The following PREX2 variants were observed in gnomAD, a reference collection of about 807,000 sequenced individuals.
PREX2 encodes the protein phosphatidylinositol 3,4,5-trisphosphate-dependent Rac exchanger 2 protein.
A neutral mutation model predicts 203.2 loss-of-function variants in PREX2; 107 were observed. The ratio of observed to expected loss-of-function variants is 0.53; its 90% confidence interval spans 0.45 to 0.62. The LOEUF (loss-of-function observed/expected upper bound fraction) is 0.62, where lower values mean the gene tolerates loss of function less well. Ranked by LOEUF, PREX2 falls within the 20% of genes least tolerant of loss-of-function variation. The probability of loss-of-function intolerance (pLI) is 0.00; values close to 1 mark genes in which losing one functional copy is unlikely to be tolerated. For synonymous variants in PREX2, 672 were observed against 663.6 expected (o/e 1.01, Z -0.19); for missense variants, 1,777 against 1,955.9 (o/e 0.91, Z 1.72).
At chr8:68,143,263 TC>T (rs1321727103) in intron 33 of PREX2, among the ~76,000 whole-genome samples, 1 of 148,624 alleles carries the variant, frequency 6.7e-6, no homozygotes, top group African/African-American at 2.4e-5. Flanking sequence ...TGTTGTGCCT[TC>T]CCCCTGGTAC....
At chr8:67,961,805 T>C (rs1805641514) in intron 1 of PREX2, among the ~76,000 whole-genome samples, 1 of 152,222 alleles carries the variant, frequency 6.6e-6, no homozygotes, top group Non-Finnish European at 1.5e-5. Context: ...TGTATAGCCT[T>C]ACATATAACG....
At chr8:68,095,595 A>T (rs546507616) in intron 21 of PREX2, among the ~76,000 whole-genome samples, 1 of 149,024 alleles carries the variant, frequency 6.7e-6, no homozygotes. Flanking sequence ...ATGTGTGTGT[A>T]TATATATATC....
chr8:68,066,443 C>T (rs868096408), intron 11 of PREX2, among the ~76,000 whole-genome samples: 1 of 151,982 alleles, frequency 6.6e-6, no homozygotes, highest in Non-Finnish European at 1.5e-5. Flanking sequence ...ATTATAGTTT[C>T]GATTTGCATT....
chr8:68,204,015 A>G (rs545307388), intron 37 of PREX2, among the ~76,000 whole-genome samples: 1 of 152,298 alleles, frequency 6.6e-6, no homozygotes, highest in African/African-American at 2.4e-5. Flanking sequence ...TAGGTACCCA[A>G]CCTATTCAGT....
chr8:67,984,579 A>G (rs1806360971), intron 1 of PREX2, among the ~76,000 whole-genome samples: 2 of 152,216 alleles, frequency 1.3e-5, no homozygotes, highest in Non-Finnish European at 2.9e-5. Context: ...AGTTTATAAG[A>G]AAGGAATTTC....
chr8:67,991,430 C>T (rs1806604227), intron 1 of PREX2, among the ~76,000 whole-genome samples: 1 of 152,228 alleles, frequency 6.6e-6, no homozygotes, highest in East Asian at 1.9e-4. Context: ...TTAATTGACT[C>T]ACAGTTCAGC....
At chr8:68,064,889 A>C (rs549514108) in intron 11 of PREX2, among the ~76,000 whole-genome samples, 1 of 152,132 alleles carries the variant, frequency 6.6e-6, no homozygotes, top group Non-Finnish European at 1.5e-5. Context: ...GAAATGGGCA[A>C]ATGCTACAAA....
intron 1 of PREX2, among the ~76,000 whole-genome samples, chr8:67,981,763 C>G (rs1160955421): frequency 6.6e-6 from 1 of 152,136 alleles, no homozygotes; most frequent in African/African-American, 2.4e-5. Context: ...ATCAGGCAGC[C>G]TGAGCTGCAT....
chr8:68,002,248 A>T (rs1280465717), intron 1 of PREX2, among the ~76,000 whole-genome samples: 1 of 151,696 alleles, frequency 6.6e-6, no homozygotes, highest in Non-Finnish European at 1.5e-5. Context: ...CCTAGGTTCA[A>T]GTGATTCTCA....
chr8:68,083,964 C>G (rs1483639430), intron 18 of PREX2, among the ~76,000 whole-genome samples: 1 of 152,088 alleles, frequency 6.6e-6, no homozygotes, highest in African/African-American at 2.4e-5. Flanking sequence ...CTTGCAATAT[C>G]ACCCATAAAT....
At chr8:68,042,202 A>G (rs76570387) in intron 7 of PREX2, among the ~76,000 whole-genome samples, 2,594 of 152,192 alleles carry the variant, frequency 0.017, 57 homozygotes, top group African/African-American at 0.055. Flanking sequence ...TTGTAATTAT[A>G]TGAACTAGAG....
chr8:68,038,898 G>A (rs937888214), intron 7 of PREX2, among the ~76,000 whole-genome samples: 16 of 152,130 alleles, frequency 1.1e-4, no homozygotes, highest in Admixed American at 2.0e-4. Flanking sequence ...CCTGCAATGA[G>A]TCTTTCTGCC....
chr8:68,197,387 CT>C (rs1285410748), intron 37 of PREX2, among the ~76,000 whole-genome samples: 1 of 152,142 alleles, frequency 6.6e-6, no homozygotes, highest in Non-Finnish European at 1.5e-5. Flanking sequence ...CCTGCTTGCA[CT>C]GACTTTGTTC....
chr8:68,098,544 A>G lies in PREX2; in HGVS notation c.2554-1138A>G, dbSNP rs149007796. Among the ~76,000 whole-genome samples the G allele has an allele frequency of 1.3e-3, 191 of 152,220 alleles. 2 individuals carry two copies. The East Asian group carries it at 0.035, about 28-fold the overall frequency. On this transcript the variant is annotated intron_variant, in intron 22 of 39. Transcript: ENST00000288368. ...CTACATTATAGTATTCATGGGATCC[A>G]TGTAAAAGTTTGGAACCAGGTTATT...
chr8:67,961,282 T>A (rs1805626289), intron 1 of PREX2, among the ~76,000 whole-genome samples: 2 of 152,174 alleles, frequency 1.3e-5, no homozygotes, highest in South Asian at 4.1e-4. Context: ...TTTAAACATT[T>A]TATTTATATT....
chr8:67,954,108 G>A (rs1010356081), intron 1 of PREX2, among the ~76,000 whole-genome samples: 7 of 152,106 alleles, frequency 4.6e-5, no homozygotes, highest in Non-Finnish European at 8.8e-5. Flanking sequence ...TCTTAAACCT[G>A]ATCATTACAA....
At chr8:68,144,204 T>C (rs1456443001) in intron 33 of PREX2, among the ~76,000 whole-genome samples, 1 of 152,202 alleles carries the variant, frequency 6.6e-6, no homozygotes, top group Non-Finnish European at 1.5e-5. Context: ...AACTTTAGAA[T>C]TAGTTTGTCA....
chr8:68,044,393 T>C, intron 7 of PREX2, 94 bp from the exon 8 acceptor site: 1 of 794,822 alleles, frequency 1.3e-6, no homozygotes, highest in Non-Finnish European at 2.1e-6. Flanking sequence ...ATTGAATTGG[T>C]GTCTTTTTTC....
chr8:68,081,540 G>A (rs1311366849), intron 17 of PREX2, among the ~76,000 whole-genome samples: 1 of 152,168 alleles, frequency 6.6e-6, no homozygotes, highest in African/African-American at 2.4e-5. Context: ...GGGTAGCACT[G>A]TATTATGCAC....
Sources: allele counts gnomAD v4.1 joint callset (sites outside exome capture counted in the v4.1 genomes callset), GRCh38; gene constraint gnomAD v4.1.1; transcripts MANE v1.5; gene names NCBI Gene and HGNC (gene_info 2026-07-23, HGNC 2026-07-21).